TMEM165: variants seen among roughly 807,000 people sequenced by gnomAD.
The protein encoded by TMEM165 is putative divalent cation/proton antiporter TMEM165.
TMEM165 carries 19 observed loss-of-function variants against 30.0 expected under a neutral mutation model. The observed-to-expected ratio is 0.63, with a 90% CI of 0.44 to 0.93. TMEM165 has a LOEUF of 0.93. Ranked by LOEUF, TMEM165 falls within the 40% of genes least tolerant of loss-of-function variation. The pLI, the probability that TMEM165 is intolerant of heterozygous loss-of-function variation, is 0.00. For missense variants in TMEM165, 340 were observed against 417.0 expected, an observed-to-expected ratio of 0.82 and a Z score of 1.61; for synonymous variants, 168 against 162.9, an observed-to-expected ratio of 1.03 and a Z score of -0.24.
At chr4:55,420,106 A>AAAAAAAAAAAATATATATATATATAT (rs1474254120) in intron 4 of TMEM165, among the ~76,000 whole-genome samples, 1 of 45,432 alleles carries the variant, frequency 2.2e-5, no homozygotes, top group Non-Finnish European at 4.1e-5. Flanking sequence ...AAGAAAAAAA[A>AAAAAAAAAAAATATATATATATATAT]ATATATATAT....
downstream of TMEM165, among the ~76,000 whole-genome samples, chr4:55,427,550 G>A (rs534548580): frequency 6.6e-6 from 1 of 151,630 alleles, no homozygotes; most frequent in South Asian, 2.1e-4. Context: ...TTACCATGTT[G>A]GCCAGGCTGG....
chr4:55,432,368 A>G (rs1014158886), intron 3 of TMEM165: 35 of 152,082 alleles, frequency 2.3e-4, no homozygotes, highest in African/African-American at 8.4e-4. Context: ...AAGCACGGTA[A>G]CTGCAGAGTA....
rs1413878798 is a variant in TMEM165 at position 55,396,235 on chromosome 4, C to T, written c.46C>T (p.Leu16=). 4.7e-6 allele frequency: 7 copies of T among 1,479,356 alleles called. No homozygotes were observed. The allele number at this position is 1,479,356 out of a possible 1,614,324, so 91.6% of individuals were successfully genotyped here. A position where few individuals can be genotyped will look rare whatever the true frequency, so the allele number is the denominator to read the frequency against. Residue 16 remains leucine (L), a synonymous_variant, in exon 1 of 6, where the codon CTG becomes TTG. Transcript: ENST00000381334. The part of the protein sequence containing the change: ...PGNGRASAPR[L]LLLFLVPLLW... The stretch of plus-strand genomic sequence containing the variant: ...GAACGGCCGCGCATCGGCGCCCCGG[C>T]TGCTTCTGCTCTTTCTGGTTCCGCT...
intron 3 of TMEM165, among the ~76,000 whole-genome samples, chr4:55,448,591 C>T (rs866182812): frequency 4.2e-4 from 34 of 81,116 alleles, no homozygotes; most frequent in Admixed American, 1.4e-3. Context: ...TGTGCGCGCG[C>T]GCACGCGCGC....
At chr4:55,435,388 T>C (rs1722797882) in intron 3 of TMEM165, 1 of 1,613,512 alleles carries the variant, frequency 6.2e-7, no homozygotes, top group Non-Finnish European at 8.5e-7. Context: ...CCTTCCTCCC[T>C]TGATGTCAAG....
chr4:55,400,235 TGTAATTA>T (rs1720902211), intron 1 of TMEM165, among the ~76,000 whole-genome samples: 1 of 23,258 alleles, frequency 4.3e-5, no homozygotes, highest in Non-Finnish European at 8.2e-5. Context: ...AATATATTAA[TGTAATTA>T]ATATTATATT....
intron 1 of TMEM165, among the ~76,000 whole-genome samples, chr4:55,409,843 C>G (rs144079224): frequency 3.2e-4 from 49 of 152,302 alleles, no homozygotes; most frequent in African/African-American, 1.0e-3. Context: ...AGAAATCTCT[C>G]CTCTCTGTTA....
chr4:55,427,859 A>G (rs991766325), downstream of TMEM165: 4 of 152,186 alleles, frequency 2.6e-5, no homozygotes, highest in Admixed American at 2.0e-4. Context: ...AAAAATCGCT[A>G]CTGCAATAGG....
At position 55,403,986 on chromosome 4, in the gene TMEM165, C is replaced by A. The variant is rs1472189604; in HGVS notation, c.207+7590C>A. On this transcript the variant is annotated intron_variant, in intron 1 of 5. Coordinates refer to ENST00000381334, the MANE Select transcript of TMEM165 (RefSeq NM_018475.5). The stretch of plus-strand genomic sequence containing the variant: ...GAAAGAAAAAGGTCATTCATTTAAT[C>A]TTAACTTGACTATTAGTTTCGTTTT... 5.7e-5 allele frequency among the ~76,000 whole-genome samples: 3 copies of A among 52,450 alleles called. No homozygotes were observed. The East Asian group carries it at 0.029, about 514-fold the overall frequency. 34.4% of individuals were successfully genotyped at this position (52,450 alleles called of 152,430 possible).
chr4:55,420,901 T>G (rs1040180129), intron 4 of TMEM165, among the ~76,000 whole-genome samples: 3 of 152,198 alleles, frequency 2.0e-5, no homozygotes, highest in African/African-American at 7.2e-5. Context: ...TTTTGTTTTT[T>G]CTTTTTAAGA....
At chr4:55,400,561 CAG>C (rs1720957714) in intron 1 of TMEM165, among the ~76,000 whole-genome samples, 4 of 142,276 alleles carry the variant, frequency 2.8e-5, no homozygotes, top group African/African-American at 1.2e-4. Context: ...CCTCAGCCTC[CAG>C]CATAGCTGGG....
rs1723426180 is a variant in TMEM165, at chr4:55,442,214, A to G, written c.409-10025A>G. The stretch of plus-strand genomic sequence containing the variant: ...TTTGTATTCTATAATATTTTGTAGC[A>G]TATTTTTGGACAAGAAAAAAAATTT... On this transcript the variant is annotated intron_variant, in intron 3 of 3. Coordinates refer to the TMEM165 transcript ENST00000608091. 3.3e-5 allele frequency: 18 copies of G among 552,306 alleles called. No individual in the cohort carries two copies. In the South Asian group the frequency reaches 3.7e-4, roughly 11 times the overall value. 34.2% of individuals were successfully genotyped at this position (552,306 alleles called of 1,614,324 possible).
intron 4 of TMEM165, among the ~76,000 whole-genome samples, chr4:55,418,478 C>A (rs1027775474): frequency 6.7e-6 from 1 of 150,260 alleles, no homozygotes; most frequent in African/African-American, 2.5e-5. Context: ...GAGCTGTGTT[C>A]GCGCCACTGC....
chr4:55,435,697 A>G, intron 3 of TMEM165: 1 of 1,151,904 alleles, frequency 8.7e-7, no homozygotes, highest in East Asian at 2.4e-5. Flanking sequence ...AATCCTTAAA[A>G]TTCTACATAA....
At chr4:55,449,897 T>C (rs1724266579) in intron 3 of TMEM165, among the ~76,000 whole-genome samples, 2 of 152,224 alleles carry the variant, frequency 1.3e-5, no homozygotes, top group Admixed American at 6.5e-5. Context: ...CACATTTTAA[T>C]AGGCTACTTG....
intron 2 of TMEM165, chr4:55,416,214 T>A (rs1251437229): frequency 6.6e-6 from 1 of 152,220 alleles, no homozygotes; most frequent in African/African-American, 2.4e-5. Flanking sequence ...TAGTTGTTTT[T>A]GTTTGTTTAT....
At chr4:55,434,792 G>A (rs991225231) in intron 3 of TMEM165, 1 of 156,220 alleles carries the variant, frequency 6.4e-6, no homozygotes, top group Non-Finnish European at 1.4e-5. Context: ...CTGTAAGGAA[G>A]AGATAACGCT....
At chr4:55,438,970 A>G (rs1723123783) in intron 3 of TMEM165, among the ~76,000 whole-genome samples, 1 of 152,242 alleles carries the variant, frequency 6.6e-6, no homozygotes, top group Admixed American at 6.5e-5. Context: ...ATATGATACC[A>G]AAAGTACAGG....
intron 3 of TMEM165, chr4:55,433,910 C>A (rs1722684829): frequency 6.6e-6 from 1 of 152,072 alleles, no homozygotes; most frequent in Non-Finnish European, 1.5e-5. Flanking sequence ...ATATCAAGAT[C>A]ATATTGAGCA....
Sources: allele counts gnomAD v4.1 joint callset (sites outside exome capture counted in the v4.1 genomes callset), GRCh38; gene constraint gnomAD v4.1.1; transcripts MANE v1.5; gene names NCBI Gene and HGNC (gene_info 2026-07-23, HGNC 2026-07-21).